Variants in SPATA9 observed in about 807,000 individuals in gnomAD.
SPATA9 encodes spermatogenesis-associated protein 9.
A neutral mutation model predicts 25.5 loss-of-function variants in SPATA9; 27 were observed. That is an observed-to-expected ratio of 1.06 (90% CI 0.78 to 1.46). SPATA9 has a LOEUF of 1.46. SPATA9 is among the 40% of genes most tolerant of loss of function. The probability of loss-of-function intolerance (pLI) is 0.00; values close to 1 mark genes in which losing one functional copy is unlikely to be tolerated. For missense variants in SPATA9, 282 were observed against 297.5 expected, an observed-to-expected ratio of 0.95 and a Z score of 0.38; for synonymous variants, 102 against 105.7, an observed-to-expected ratio of 0.97 and a Z score of 0.21.
At chr5:95,686,235 A>C (rs1484468914), upstream of SPATA9, among the ~76,000 whole-genome samples, 1 of 152,248 alleles carries the variant, frequency 6.6e-6, no homozygotes, top group Non-Finnish European at 1.5e-5. Flanking sequence ...CCCAACATTC[A>C]TTAAATGGTT....
intron 2 of SPATA9, among the ~76,000 whole-genome samples, chr5:95,679,730 C>G (rs1035990645): frequency 3.9e-5 from 6 of 152,148 alleles, no homozygotes; most frequent in African/African-American, 1.4e-4. Flanking sequence ...TCCACTTCCC[C>G]CAGGGCTATT....
chr5:95,713,307 C>T, the SPATA9 span, among the ~76,000 whole-genome samples: 5 of 151,820 alleles, frequency 3.3e-5, no homozygotes, highest in Admixed American at 1.3e-4. Flanking sequence ...TGTGTCCCCA[C>T]CCAAATCTCA....
chr5:95,718,353 G>C, the SPATA9 span, among the ~76,000 whole-genome samples: 1 of 152,204 alleles, frequency 6.6e-6, no homozygotes, highest in African/African-American at 2.4e-5. Context: ...CACTATCAGA[G>C]GGATCAGCCT....
the SPATA9 span, chr5:95,731,377 A>AG: frequency 8.6e-7 from 1 of 1,156,996 alleles, no homozygotes; most frequent in Non-Finnish European, 1.1e-6. Context: ...CGCGGCGGAG[A>AG]GGGGACTGCG....
At chr5:95,654,548 C>T (rs1356476575), downstream of SPATA9, among the ~76,000 whole-genome samples, 1 of 152,128 alleles carries the variant, frequency 6.6e-6, no homozygotes, top group Non-Finnish European at 1.5e-5. Flanking sequence ...TATATCTATT[C>T]TATGGCCATA....
the SPATA9 span, among the ~76,000 whole-genome samples, chr5:95,721,307 C>A: frequency 2.6e-5 from 4 of 152,210 alleles, no homozygotes; most frequent in Admixed American, 2.0e-4. Flanking sequence ...CTTATCACAT[C>A]ACTGAGAAAG....
chr5:95,701,496 A>G (rs1270803303), upstream of SPATA9: 1 of 152,108 alleles, frequency 6.6e-6, no homozygotes, highest in African/African-American at 2.4e-5. Context: ...CTATACTGGT[A>G]GCATACAGTA....
chr5:95,686,357 G>A (rs1753745353), upstream of SPATA9, among the ~76,000 whole-genome samples: 1 of 151,752 alleles, frequency 6.6e-6, no homozygotes, highest in Non-Finnish European at 1.5e-5. Context: ...AAACAATATA[G>A]TTTATAACCA....
chr5:95,693,139 TAGCG>T (rs1292790560), intron 1 of SPATA9, among the ~76,000 whole-genome samples: 1 of 152,220 alleles, frequency 6.6e-6, no homozygotes, highest in Non-Finnish European at 1.5e-5. Flanking sequence ...CACGCACTGA[TAGCG>T]AGAATGTAAA....
upstream of SPATA9, among the ~76,000 whole-genome samples, chr5:95,700,730 A>G (rs112887430): frequency 2.5e-4 from 38 of 152,278 alleles, 3 homozygotes; most frequent in African/African-American, 8.7e-4. Flanking sequence ...CCCGGCCCCA[A>G]TAACTACATC....
rs199565882 is a variant in SPATA9, at chr5:95,697,905, GA to G, written n.124+682del. 1.5e-3 allele frequency among the ~76,000 whole-genome samples: 206 copies of G among 139,376 alleles called. 1 individual carries two copies. Among genetic ancestry groups the G allele is most frequent in the Middle Eastern group, 3.8e-3 (1 of 264 alleles). 91.4% of individuals were successfully genotyped at this position (139,376 alleles called of 152,430 possible). On this transcript the variant is annotated intron_variant and non_coding_transcript_variant, in intron 1 of 2. Transcript: ENST00000379990. ...ACATTCCATGAAAATGACATTCCAT[GA>G]AAAAAAAAAAAGCAGCTCACAGCTC...
intron 2 of SPATA9, among the ~76,000 whole-genome samples, chr5:95,676,358 G>A (rs368600967): frequency 5.1e-4 from 78 of 152,190 alleles, no homozygotes; most frequent in Middle Eastern, 6.8e-3. Context: ...CCCATCACCC[G>A]AGCAGTGTAC....
At chr5:95,722,435 G>A in the SPATA9 span, among the ~76,000 whole-genome samples, 1 of 152,194 alleles carries the variant, frequency 6.6e-6, no homozygotes, top group Non-Finnish European at 1.5e-5. Context: ...AATGGTGCTT[G>A]ATAATAATAC....
chr5:95,689,005 A>T (rs1753818006), intron 1 of SPATA9, among the ~76,000 whole-genome samples: 1 of 152,248 alleles, frequency 6.6e-6, no homozygotes, highest in African/African-American at 2.4e-5. Context: ...AGCACCGAAG[A>T]CACATAAGAC....
the SPATA9 span, chr5:95,731,684 T>C: frequency 8.1e-6 from 13 of 1,613,328 alleles, no homozygotes; most frequent in Non-Finnish European, 1.0e-5. Context: ...TTTGAGATCA[T>C]GTACGTACGC....
At chr5:95,705,339 T>A in the SPATA9 span, among the ~76,000 whole-genome samples, 3 of 152,282 alleles carry the variant, frequency 2.0e-5, no homozygotes, top group East Asian at 5.8e-4. Flanking sequence ...GGGGATAAAG[T>A]TTCAACGTGA....
chr5:95,654,001 T>G (rs1750542254), downstream of SPATA9: 39 of 1,458,786 alleles, frequency 2.7e-5, no homozygotes, highest in Non-Finnish European at 3.7e-5. Context: ...GTTATCTCCA[T>G]TAAGCTGGAA....
chr5:95,727,030 C>T, the SPATA9 span, among the ~76,000 whole-genome samples: 1 of 151,878 alleles, frequency 6.6e-6, no homozygotes, highest in African/African-American at 2.4e-5. Flanking sequence ...CAGGGATCAT[C>T]TTCTGTACCC....
the SPATA9 span, chr5:95,708,901 C>A: frequency 2.6e-6 from 1 of 378,338 alleles, no homozygotes; most frequent in Non-Finnish European, 4.7e-6. Flanking sequence ...TGAAAACAAA[C>A]AAGAGAAGTA....
Sources: gnomAD v4.1 joint callset for allele counts (sites outside exome capture counted in the v4.1 genomes callset) on GRCh38, gnomAD v4.1.1 for gene constraint, MANE v1.5 for transcripts, NCBI Gene and HGNC (gene_info 2026-07-23, HGNC 2026-07-21) for gene names.